Variants in UBAC2 observed in about 807,000 individuals in gnomAD.
UBAC2 encodes the protein ubiquitin-associated domain-containing protein 2.
In UBAC2, 26 loss-of-function variants were observed where a neutral mutation model predicts 44.0. The observed-to-expected ratio is 0.59, with a 90% confidence interval of 0.43 to 0.82. The LOEUF (loss-of-function observed/expected upper bound fraction) is 0.82, where lower values mean the gene tolerates loss of function less well. Among genes scored for constraint, UBAC2 ranks in the 40% least tolerant of loss-of-function variants. UBAC2 has a pLI of 0.00. For synonymous variants in UBAC2, 155 were observed against 154.3 expected, an observed-to-expected ratio of 1.00 and a Z score of -0.04; for missense variants, 329 against 419.4, an observed-to-expected ratio of 0.78 and a Z score of 1.88.
At chr13:99,214,659 A>G (rs1346170346) in intron 1 of UBAC2, among the ~76,000 whole-genome samples, 1 of 151,892 alleles carries the variant, frequency 6.6e-6, no homozygotes, top group Non-Finnish European at 1.5e-5. Flanking sequence ...TGGAAGTTTG[A>G]AGTTACCCCA....
intron 8 of UBAC2, among the ~76,000 whole-genome samples, chr13:99,370,140 C>T (rs1009059433): frequency 7.9e-5 from 12 of 152,104 alleles, no homozygotes; most frequent in African/African-American, 1.4e-4. Flanking sequence ...ACATACCGAC[C>T]GTGGTTAGGA....
intron 8 of UBAC2, among the ~76,000 whole-genome samples, chr13:99,374,197 T>C (rs531562447): frequency 6.6e-6 from 1 of 152,310 alleles, no homozygotes; most frequent in Non-Finnish European, 1.5e-5. Context: ...ACTGATAGGT[T>C]AACATTGAGT....
chr13:99,318,114 T>G (rs750278397), intron 6 of UBAC2, 45 bp downstream of exon 6: 1 of 1,528,022 alleles, frequency 6.5e-7, no homozygotes, highest in Admixed American at 1.7e-5. Flanking sequence ...CTCTCTCCTG[T>G]AAAAACATTA....
rs551109824 is a variant in UBAC2 at position 99,336,897 on chromosome 13, C to T, written c.562-3423C>T. Among the ~76,000 whole-genome samples the T allele has an allele frequency of 2.6e-5, 4 of 152,246 alleles. No homozygotes were observed. In the South Asian group the frequency reaches 8.3e-4, roughly 32 times the overall value. ...ACCATGCCTGGCCAGCCCCGCAGCCCATGGTGCCCCCCTTCCTTCCCACCT... is the reference window on the plus strand; with the variant it reads ...ACCATGCCTGGCCAGCCCCGCAGCCTATGGTGCCCCCCTTCCTTCCCACCT... On this transcript the variant is annotated intron_variant, in intron 6 of 8. Coordinates refer to ENST00000403766, the MANE Select transcript of UBAC2 (RefSeq NM_001144072.2).
In UBAC2 at chr13:99,264,680, TC is replaced by T. The variant is rs567605146; in HGVS notation, c.389+20058del. 7.1e-3 allele frequency among the ~76,000 whole-genome samples: 1,080 copies of T among 152,314 alleles called. 7 individuals carry two copies. Among genetic ancestry groups the T allele is most frequent in the Non-Finnish European group, 0.011 (740 of 68,018 alleles). On this transcript the variant is annotated intron_variant, in intron 4 of 8. Coordinates refer to ENST00000403766, the MANE Select transcript of UBAC2 (RefSeq NM_001144072.2). ...GGCCTTCTGTGAGGGGTCATCCACT[TC>T]CGGCCTTGTGTGATTTGAAGGCATT... is the stretch of plus-strand genomic sequence containing the variant.
At chr13:99,254,897 T>C (rs1456235781) in intron 4 of UBAC2, 2 of 1,613,280 alleles carry the variant, frequency 1.2e-6, no homozygotes, top group African/African-American at 2.7e-5. Flanking sequence ...TCACTGTTTA[T>C]ATTGCTTAGT....
intron 6 of UBAC2, among the ~76,000 whole-genome samples, chr13:99,339,299 A>C (rs1462220737): frequency 1.3e-5 from 2 of 152,164 alleles, no homozygotes; most frequent in African/African-American, 4.8e-5. Context: ...GGCTCTCCTG[A>C]TGTCCCCCGC....
intron 1 of UBAC2, chr13:99,215,700 C>CG (rs1370896843): frequency 4.0e-6 from 6 of 1,499,366 alleles, no homozygotes; most frequent in Non-Finnish European, 5.4e-6. Context: ...TCTCTGCGAG[C>CG]GGGAAACCGC....
chr13:99,258,301 T>TC (rs1330764295), intron 4 of UBAC2: 1 of 152,206 alleles, frequency 6.6e-6, no homozygotes, highest in Non-Finnish European at 1.5e-5. Context: ...TTTAGACTCT[T>TC]TTGTTGCTTT....
At chr13:99,203,854 A>G (rs1395834227) in intron 1 of UBAC2, among the ~76,000 whole-genome samples, 4 of 152,220 alleles carry the variant, frequency 2.6e-5, no homozygotes, top group African/African-American at 9.7e-5. Context: ...AAAACTCTTC[A>G]TTTTGAAGAA....
At chr13:99,366,611 A>T (rs949924733) in intron 7 of UBAC2, among the ~76,000 whole-genome samples, 1 of 135,338 alleles carries the variant, frequency 7.4e-6, no homozygotes, top group East Asian at 2.1e-4. Flanking sequence ...CCGGGGGAAG[A>T]CAGGCTTTTT....
At chr13:99,383,005 C>A (rs1456263338) in intron 8 of UBAC2, among the ~76,000 whole-genome samples, 1 of 152,192 alleles carries the variant, frequency 6.6e-6, no homozygotes, top group Non-Finnish European at 1.5e-5. Context: ...TCGGTTACTT[C>A]AAAGGGCAAA....
chr13:99,346,828 C>T (rs984737158), intron 7 of UBAC2, among the ~76,000 whole-genome samples: 24 of 152,160 alleles, frequency 1.6e-4, no homozygotes, highest in Admixed American at 2.6e-4. Context: ...AGTGTGTCTC[C>T]GGATGGAGCA....
intron 4 of UBAC2, among the ~76,000 whole-genome samples, chr13:99,304,020 AG>A (rs2044294490): frequency 6.6e-6 from 1 of 152,162 alleles, no homozygotes; most frequent in Admixed American, 6.5e-5. Flanking sequence ...TTCTGCCCGC[AG>A]CCACGGCAGC....
chr13:99,340,353 C>G lies in UBAC2; in HGVS notation c.595C>G (p.Gln199Glu). Residue 199 changes from glutamine (Q) to glutamate (E), a missense_variant, in exon 7 of 9, where the codon CAG (glutamine) becomes GAG (glutamate). Coordinates refer to ENST00000403766, the MANE Select transcript of UBAC2 (RefSeq NM_001144072.2). ...SGLCYDSKMF[Q>E]VHQVLCIPSW... ...TCTGTGCTACGACAGCAAAATGTTC[C>G]AGGTGCATCAGGTGCTCTGCATCCC... The G allele has an allele frequency of 6.2e-7, 1 of 1,614,168 alleles. No individual in the cohort carries two copies. The highest frequency in any genetic ancestry group is 8.5e-7 in the Non-Finnish European group (1 of 1,180,020).
intron 4 of UBAC2, among the ~76,000 whole-genome samples, chr13:99,273,623 G>T (rs1392838088): frequency 6.6e-6 from 1 of 152,132 alleles, no homozygotes; most frequent in African/African-American, 2.4e-5. Context: ...ATTTAGTGTT[G>T]ATCTGATTAT....
At chr13:99,215,574 A>G (rs2142668255) in intron 1 of UBAC2, 1 of 1,379,142 alleles carries the variant, frequency 7.3e-7, no homozygotes, top group East Asian at 2.3e-5. Flanking sequence ...CTCTGCGGTG[A>G]GGTACTCCAG....
chr13:99,381,720 A>G (rs1331790695), intron 8 of UBAC2, among the ~76,000 whole-genome samples: 1 of 152,226 alleles, frequency 6.6e-6, no homozygotes, highest in Non-Finnish European at 1.5e-5. Context: ...ACACATATCC[A>G]GCCTGAGTCC....
chr13:99,321,644 C>A (rs1048128623), intron 6 of UBAC2, among the ~76,000 whole-genome samples: 1 of 152,096 alleles, frequency 6.6e-6, no homozygotes. Context: ...CTTATTCTTG[C>A]ATAATTATAG....
Sources: allele counts gnomAD v4.1 joint callset (sites outside exome capture counted in the v4.1 genomes callset), GRCh38; gene constraint gnomAD v4.1.1; transcripts MANE v1.5; gene names NCBI Gene and HGNC (gene_info 2026-07-23, HGNC 2026-07-21).